Variants in LYPD8 observed in about 807,000 individuals in gnomAD.
LYPD8 encodes LY6/PLAUR domain containing 8, also known as ly6/PLAUR domain-containing protein 8.
Under a neutral mutation model 1.7 loss-of-function variants are expected in LYPD8, and 8 were observed. That is an observed-to-expected ratio of 4.58 (90% confidence interval 2.69 to 8.27). The LOEUF is 8.27. LYPD8 is among the 30% of genes most tolerant of loss of function. The pLI, the probability that LYPD8 is intolerant of heterozygous loss-of-function variation, is 0.00. For missense variants in LYPD8, 112 were observed against 102.3 expected (o/e 1.09, Z -0.41); for synonymous variants, 50 against 43.6 (o/e 1.15, Z -0.58).
At chr1:248,745,617 G>A (rs935114815) in intron 5 of LYPD8, among the ~76,000 whole-genome samples, 26 of 152,184 alleles carry the variant, frequency 1.7e-4, no homozygotes, top group Non-Finnish European at 3.5e-4. Context: ...AAGTGGGTGA[G>A]TGTTACTAAA....
chr1:248,751,131 C>T lies in LYPD8; in HGVS notation c.-49-1G>A, dbSNP rs1393980064. On this transcript the variant is annotated splice_acceptor_variant, in intron 2 of 6. Coordinates refer to ENST00000590317, the MANE Select transcript of LYPD8 (RefSeq NM_001085474.2). LOFTEE classifies it low-confidence loss of function (5UTR_SPLICE). ...GGATGGGGACCACAGGGCCTCAAGCCTGAAAAGACACAAAGAAGGCAGCCC... is the reference window on the plus strand; with the variant it reads ...GGATGGGGACCACAGGGCCTCAAGCTTGAAAAGACACAAAGAAGGCAGCCC... 5.0e-6 allele frequency: 2 copies of T among 398,634 alleles called. No individual in the cohort carries two copies. The highest frequency in any genetic ancestry group is 8.8e-6 in the Non-Finnish European group (2 of 226,084). 24.7% of individuals were successfully genotyped at this position (398,634 alleles called of 1,614,324 possible).
Position 248,739,605 on chromosome 1 carries a change from A to G in LYPD8, c.*6T>C. The stretch of plus-strand genomic sequence containing the variant: ...GGGGTGCTGGGCAAAGTGCAGCCCC[A>G]GGACCTCAGGGCAGCAGTCCCCGAA... On this transcript the variant is annotated 3_prime_UTR_variant, in exon 7 of 7. Transcript: ENST00000590317. The surrounding 1 kb of genome is among the most constrained non-coding windows in gnomAD (Gnocchi z 4.3). 4 of 1,551,226 alleles carry G rather than the reference A, an allele frequency of 2.6e-6. No homozygotes were observed. Among genetic ancestry groups the G allele is most frequent in the Non-Finnish European group, 3.5e-6 (4 of 1,146,986 alleles).
In LYPD8 at chr1:248,739,517, C is replaced by A; in HGVS notation, c.*94G>T. 6.6e-7 allele frequency: 1 copy of A among 1,513,912 alleles called. No individual in the cohort carries two copies. Among genetic ancestry groups the A allele is most frequent in the Non-Finnish European group, 8.9e-7 (1 of 1,123,740 alleles). The allele number at this position is 1,513,912 out of a possible 1,614,324, so 93.8% of individuals were successfully genotyped here. On this transcript the variant is annotated 3_prime_UTR_variant, in exon 7 of 7. Transcript: ENST00000590317. This position sits in a 1 kb window ranked among gnomAD's most constrained non-coding sequence, Gnocchi z 4.3. ...CCACTTACTGGGCAGTTAAACGGGG[C>A]AGAGCAGGGAAAGAGGGTGTCAGCA...
chr1:248,740,284 C>T (rs782788344), intron 6 of LYPD8, among the ~76,000 whole-genome samples: 1 of 152,222 alleles, frequency 6.6e-6, no homozygotes, highest in East Asian at 1.9e-4. Context: ...CCAGGCTTTG[C>T]TTTCCGTCCT....
chr1:248,752,029 G>A (rs932657069), intron 2 of LYPD8, among the ~76,000 whole-genome samples: 1 of 152,126 alleles, frequency 6.6e-6, no homozygotes, highest in Admixed American at 6.5e-5. Context: ...GAGAGCAGGT[G>A]TGTGGCTCTG....
intron 6 of LYPD8, 63 bp downstream of exon 6, chr1:248,745,079 G>A (rs1453007272): frequency 5.0e-6 from 2 of 397,362 alleles, no homozygotes; most frequent in African/African-American, 2.1e-5. Context: ...CAGAATTTAT[G>A]AACCAAGACT....
intron 6 of LYPD8, among the ~76,000 whole-genome samples, chr1:248,743,351 G>C (rs1662654758): frequency 6.6e-6 from 1 of 152,026 alleles, no homozygotes; most frequent in African/African-American, 2.4e-5. Context: ...TATAATCCCA[G>C]CTACCCAGGA....
At chr1:248,754,142 C>T (rs1287073590) in intron 2 of LYPD8, among the ~76,000 whole-genome samples, 1 of 149,432 alleles carries the variant, frequency 6.7e-6, no homozygotes, top group East Asian at 2.0e-4. Context: ...ACACACACTT[C>T]ACACACACCA....
In LYPD8 at chr1:248,739,892, T is replaced by C. The variant is rs1553283122; in HGVS notation, c.476-43A>G. On this transcript the variant is annotated intron_variant, in intron 6 of 6. Transcript: ENST00000590317. This position sits in a 1 kb window ranked among gnomAD's most constrained non-coding sequence, Gnocchi z 4.3. ...ACAGGAGGGACGCCACTCAGTCCTT[T>C]GTCCTTCCACCCACGCCTGCTCTTA... 8 of 1,549,176 alleles carry C rather than the reference T, an allele frequency of 5.2e-6. No individual in the cohort carries two copies.
intron 6 of LYPD8, among the ~76,000 whole-genome samples, chr1:248,743,164 AC>A: frequency 6.6e-6 from 1 of 152,142 alleles, no homozygotes; most frequent in East Asian, 1.9e-4. Flanking sequence ...TTAAAAAAAA[AC>A]AGTATAAAGA....
At position 248,739,592 on chromosome 1, in the gene LYPD8, A is replaced by G. The variant is rs782742320; in HGVS notation, c.*19T>C. 29 of 1,550,530 alleles carry G rather than the reference A, an allele frequency of 1.9e-5. No individual in the cohort carries two copies. Among genetic ancestry groups the G allele is most frequent in the South Asian group, 1.4e-4 (12 of 83,994 alleles). ...GAGAAGCAGAAATGGGGTGCTGGGC[A>G]AAGTGCAGCCCCAGGACCTCAGGGC... On this transcript the variant is annotated 3_prime_UTR_variant, in exon 7 of 7. Coordinates refer to ENST00000590317, the MANE Select transcript of LYPD8 (RefSeq NM_001085474.2). This position sits in a 1 kb window ranked among gnomAD's most constrained non-coding sequence, Gnocchi z 4.3.
chr1:248,753,280 A>AAC (rs1295210983), intron 2 of LYPD8, among the ~76,000 whole-genome samples: 1 of 92,776 alleles, frequency 1.1e-5, no homozygotes, highest in Non-Finnish European at 2.0e-5. Flanking sequence ...CACACCACAC[A>AAC]ACACACACAC....
At chr1:248,754,419 C>T (rs941826030) in intron 2 of LYPD8, among the ~76,000 whole-genome samples, 1 of 151,130 alleles carries the variant, frequency 6.6e-6, no homozygotes, top group African/African-American at 2.4e-5. Flanking sequence ...AACACACACA[C>T]AATACACCAC....
At chr1:248,753,207 AACACACACAC>A (rs1473184420) in intron 2 of LYPD8, among the ~76,000 whole-genome samples, 4,413 of 93,562 alleles carry the variant, frequency 0.047, 328 homozygotes, top group East Asian at 0.13. Context: ...CACCCCACAC[AACACACACAC>A]CACACCACAC....
intron 5 of LYPD8, among the ~76,000 whole-genome samples, chr1:248,745,921 T>C (rs1424724773): frequency 6.6e-6 from 1 of 152,232 alleles, no homozygotes; most frequent in Non-Finnish European, 1.5e-5. Context: ...TTTCACTCTC[T>C]TTCTCTTGTG....
intron 2 of LYPD8, among the ~76,000 whole-genome samples, chr1:248,752,297 A>T (rs1217794532): frequency 6.6e-6 from 1 of 151,864 alleles, no homozygotes; most frequent in African/African-American, 2.4e-5. Flanking sequence ...GCCCCACTCT[A>T]CAGGTGAGAA....
Position 248,739,902 on chromosome 1 carries a change from C to G in LYPD8, c.476-53G>C. 1 of 1,545,446 alleles carries G rather than the reference C, an allele frequency of 6.5e-7. No individual in the cohort carries two copies. Among genetic ancestry groups the G allele is most frequent in the South Asian group, 1.2e-5 (1 of 83,762 alleles). ...CGCCACTCAGTCCTTTGTCCTTCCA[C>G]CCACGCCTGCTCTTAGTTCTTCACC... On this transcript the variant is annotated intron_variant, in intron 6 of 6. Transcript: ENST00000590317. The surrounding 1 kb of genome is among the most constrained non-coding windows in gnomAD (Gnocchi z 4.3).
Position 248,750,568 on chromosome 1 carries a change from T to C in LYPD8, c.128A>G (p.His43Arg), listed in dbSNP as rs1662784095. 4 of 398,572 alleles carry C rather than the reference T, an allele frequency of 1.0e-5. No homozygotes were observed. The highest frequency in any genetic ancestry group is 3.6e-5 in the East Asian group (1 of 28,098). The allele number at this position is 398,572 out of a possible 1,614,324, so 24.7% of individuals were successfully genotyped here. The change falls in exon 4 of 7, where the codon CAT (histidine) becomes CGT (arginine). Residue 43 changes from histidine (H) to arginine (R), a missense_variant. Transcript: ENST00000590317. ...GGAGCTGATACAGCTGGTGTTGGCA[T>C]GTGAGGGACATTCAGAGGCAATGCT... ...VNSIASECPS[H>R]ANTSCISSSA...
At chr1:248,752,867 ACC>A (rs1662837079) in intron 2 of LYPD8, among the ~76,000 whole-genome samples, 1 of 112,682 alleles carries the variant, frequency 8.9e-6, no homozygotes, top group Non-Finnish European at 1.8e-5. Flanking sequence ...CCACACACAC[ACC>A]ACACACCCCA....
Sources: allele counts gnomAD v4.1 joint callset (sites outside exome capture counted in the v4.1 genomes callset), GRCh38; gene constraint gnomAD v4.1.1; non-coding constraint Gnocchi (gnomAD v3.1); transcripts MANE v1.5; gene names NCBI Gene and HGNC (gene_info 2026-07-23, HGNC 2026-07-21).